Variants in SEC31A observed in about 807,000 individuals in gnomAD.
The protein encoded by SEC31A is SEC31 homolog A, COPII component, also known as protein transport protein Sec31A.
Under a neutral mutation model 151.0 loss-of-function variants are expected in SEC31A, and 70 were observed. The observed-to-expected ratio is 0.46, with a 90% CI of 0.38 to 0.57. SEC31A has a LOEUF of 0.57. Among genes scored for constraint, SEC31A ranks in the 20% least tolerant of loss-of-function variants. The pLI, the probability that SEC31A is intolerant of heterozygous loss-of-function variation, is 0.00. For synonymous variants in SEC31A, 475 were observed against 505.9 expected (o/e 0.94, Z 0.82); for missense variants, 1,330 against 1,471.2 (o/e 0.90, Z 1.57).
upstream of SEC31A, chr4:82,893,664 CA>C (rs1719937460): frequency 6.6e-6 from 1 of 152,212 alleles, no homozygotes; most frequent in Admixed American, 6.5e-5. Flanking sequence ...ATTAAGTCAA[CA>C]TGAGTAGTCA....
chr4:82,849,580 C>T (rs1319962516), intron 19 of SEC31A, among the ~76,000 whole-genome samples: 3 of 140,236 alleles, frequency 2.1e-5, no homozygotes, highest in African/African-American at 8.0e-5. Context: ...TACCACTGCA[C>T]TCCAGCCTGG....
upstream of SEC31A, chr4:82,894,043 G>C (rs1464841310): frequency 6.6e-6 from 1 of 152,192 alleles, no homozygotes; most frequent in Non-Finnish European, 1.5e-5. Flanking sequence ...AGAGGGATGA[G>C]CAGGAACATT....
chr4:82,879,190 T>C (rs1210283737), intron 3 of SEC31A, among the ~76,000 whole-genome samples: 3 of 152,156 alleles, frequency 2.0e-5, no homozygotes, highest in African/African-American at 7.2e-5. Context: ...TTGAGTTGTG[T>C]GTCAAAAAAT....
At chr4:82,882,203 A>G (rs2125853342) in intron 1 of SEC31A, among the ~76,000 whole-genome samples, 1 of 152,216 alleles carries the variant, frequency 6.6e-6, no homozygotes, top group South Asian at 2.1e-4. Flanking sequence ...GGAGATTGAG[A>G]CCATCCTGGC....
Position 82,874,690 on chromosome 4 carries a change from G to A in SEC31A, c.560C>T (p.Ala187Val). ...TACAGTGGCCCGGCCACTGGGACTGGCTGATGCTAAAATATGCTGAACTTG... is the reference window on the plus strand; with the variant it reads ...TACAGTGGCCCGGCCACTGGGACTGACTGATGCTAAAATATGCTGAACTTG... ...NRQVQHILASASPSGRATVWD... is the reference protein window; with the variant it reads ...NRQVQHILASVSPSGRATVWD... Residue 187 changes from alanine to valine, a missense_variant, in exon 6 of 27, where the codon GCC becomes GTC. By Grantham distance (64) the Ala-to-Val change is moderately conservative. Transcript: ENST00000395310. 3 of 1,613,208 alleles carry A rather than the reference G, an allele frequency of 1.9e-6. No individual in the cohort carries two copies. The highest frequency in any genetic ancestry group is 2.5e-6 in the Non-Finnish European group (3 of 1,179,852).
intron 4 of SEC31A, among the ~76,000 whole-genome samples, chr4:82,876,359 C>G (rs1019687160): frequency 6.6e-6 from 1 of 152,124 alleles, no homozygotes; most frequent in Non-Finnish European, 1.5e-5. Context: ...ATCCACCTGC[C>G]TCGGCCTCCC....
At chr4:82,878,500 CA>C (rs1278488924) in intron 4 of SEC31A, among the ~76,000 whole-genome samples, 4 of 151,576 alleles carry the variant, frequency 2.6e-5, no homozygotes, top group Non-Finnish European at 5.9e-5. Flanking sequence ...CTCAAAAAAA[CA>C]AAAACAAAAA....
chr4:82,855,895 C>T (rs569924978), intron 16 of SEC31A, among the ~76,000 whole-genome samples: 2 of 152,256 alleles, frequency 1.3e-5, no homozygotes, highest in African/African-American at 4.8e-5. Context: ...CACGAGTTTA[C>T]TCTTAAGTTT....
rs1401653303 is a variant in SEC31A, at chr4:82,888,362, A to C, written c.-5+2726T>G. On this transcript the variant is annotated intron_variant, in intron 1 of 26. Transcript: ENST00000395310. ...CGAGACTCCGTCTCAAAAAAAAAAA[A>C]AAAAAAAAAAACACACAAAAAACAT... Among the ~76,000 whole-genome samples, 88 of 97,976 alleles carry C rather than the reference A, an allele frequency of 9.0e-4. 2 individuals carry two copies. Among genetic ancestry groups the C allele is most frequent in the South Asian group, 3.5e-3 (12 of 3,396 alleles). 64.3% of individuals were successfully genotyped at this position (97,976 alleles called of 152,430 possible). A position where few individuals can be genotyped will look rare whatever the true frequency, so the allele number is the denominator to read the frequency against.
In SEC31A at chr4:82,882,401, C is replaced by CAAAAAAAA. The variant is rs57974382; in HGVS notation, c.-4-469_-4-462dup. 5.9e-4 allele frequency among the ~76,000 whole-genome samples: 55 copies of CAAAAAAAA among 92,468 alleles called. 1 individual carries two copies. Among genetic ancestry groups the CAAAAAAAA allele is most frequent in the African/African-American group, 2.7e-3 (52 of 19,410 alleles). 60.7% of individuals were successfully genotyped at this position (92,468 alleles called of 152,430 possible). ...TGGGCGAGAGAGCAAGACTCTATCTCAAAAAAAAAAAAAAAAAAAAAAAAA... is the reference window on the plus strand; with the variant it reads ...TGGGCGAGAGAGCAAGACTCTATCTCAAAAAAAAAAAAAAAAAAAAAAAAAAAAAAAAA... On this transcript the variant is annotated intron_variant, in intron 1 of 26. Coordinates refer to ENST00000395310, the MANE Select transcript of SEC31A (RefSeq NM_001077207.4).
chr4:82,888,766 CTT>C (rs1011532670), intron 1 of SEC31A, among the ~76,000 whole-genome samples: 3 of 151,870 alleles, frequency 2.0e-5, no homozygotes, highest in Non-Finnish European at 4.4e-5. Context: ...TTTCATGCAA[CTT>C]TCTCTCAATA....
chr4:82,850,638 T>C (rs558150389), intron 19 of SEC31A, among the ~76,000 whole-genome samples: 2 of 152,290 alleles, frequency 1.3e-5, no homozygotes, highest in African/African-American at 2.4e-5. Context: ...AATGCAGATA[T>C]ATTGTTGTGG....
chr4:82,849,206 G>C (rs1350203428), intron 19 of SEC31A, among the ~76,000 whole-genome samples: 1 of 152,178 alleles, frequency 6.6e-6, no homozygotes, highest in Non-Finnish European at 1.5e-5. Flanking sequence ...CTGAGGCAGA[G>C]ATCTGAGTTA....
intron 8 of SEC31A, among the ~76,000 whole-genome samples, chr4:82,867,610 C>T (rs761202444): frequency 6.6e-6 from 1 of 151,976 alleles, no homozygotes; most frequent in Non-Finnish European, 1.5e-5. Flanking sequence ...TTTGAAAGAC[C>T]AGCACACTCT....
intron 7 of SEC31A, among the ~76,000 whole-genome samples, chr4:82,870,979 T>G (rs1736521297): frequency 6.6e-6 from 1 of 152,144 alleles, no homozygotes; most frequent in Admixed American, 6.6e-5. Flanking sequence ...GGCCACGAGT[T>G]CAAGACCAAC....
intron 10 of SEC31A, among the ~76,000 whole-genome samples, chr4:82,865,038 T>A (rs550343726): frequency 6.6e-6 from 1 of 152,088 alleles, no homozygotes; most frequent in East Asian, 1.9e-4. Context: ...GAAGACCAGA[T>A]AGGACGATGA....
intron 1 of SEC31A, among the ~76,000 whole-genome samples, chr4:82,883,330 T>G (rs1472233171): frequency 6.6e-6 from 1 of 152,230 alleles, no homozygotes; most frequent in African/African-American, 2.4e-5. Flanking sequence ...ATCTGCACGT[T>G]ATTTCATTAA....
At chr4:82,882,568 CAT>C (rs1377767305) in intron 1 of SEC31A, among the ~76,000 whole-genome samples, 23 of 152,244 alleles carry the variant, frequency 1.5e-4, no homozygotes, top group African/African-American at 3.4e-4. Flanking sequence ...CTTTGCTACA[CAT>C]GTGTTTATCC....
rs777580782 is a variant in SEC31A at position 82,853,641 on chromosome 4, C to G, written c.2083G>C (p.Ala695Pro). 6.2e-7 allele frequency: 1 copy of G among 1,604,672 alleles called. No individual in the cohort carries two copies. Among genetic ancestry groups the G allele is most frequent in the Non-Finnish European group, 8.5e-7 (1 of 1,177,654 alleles). Residue 695 changes from alanine to proline, a missense_variant, in exon 18 of 27, where the codon GCA becomes CCA. Physicochemically the swap from Ala to Pro is conservative, Grantham distance 27. Coordinates refer to ENST00000395310, the MANE Select transcript of SEC31A (RefSeq NM_001077207.4). ...QTQACLCYIC[A>P]GNVEKLVACW... ...GCAACTAATTTCTCTACATTCCCTG[C>G]ACAAATATAGCAGAGACATGCTTGA...
Sources: gnomAD v4.1 joint callset for allele counts (sites outside exome capture counted in the v4.1 genomes callset) on GRCh38, gnomAD v4.1.1 for gene constraint, MANE v1.5 for transcripts, NCBI Gene and HGNC (gene_info 2026-07-23, HGNC 2026-07-21) for gene names.